The following SLC4A3 variants were observed in gnomAD, a reference collection of about 807,000 sequenced individuals.
SLC4A3 encodes anion exchange protein 3.
Under a neutral mutation model 114.2 loss-of-function variants are expected in SLC4A3, and 47 were observed. That is an observed-to-expected ratio of 0.41 (90% CI 0.33 to 0.52). The LOEUF is 0.52. SLC4A3 is among the 20% of genes least tolerant of loss of function. The pLI, the probability that SLC4A3 is intolerant of heterozygous loss-of-function variation, is 0.21. For synonymous variants in SLC4A3, 693 were observed against 710.3 expected (o/e 0.98, Z 0.39); for missense variants, 1,312 against 1,668.3 (o/e 0.79, Z 3.72).
Position 219,633,364 on chromosome 2 carries a change from T to C in SLC4A3, c.1368T>C (p.Thr456=). 6.2e-7 allele frequency: 1 copy of C among 1,606,482 alleles called. No individual in the cohort carries two copies. Among genetic ancestry groups the C allele is most frequent in the South Asian group, 1.1e-5 (1 of 90,244 alleles). Residue 456 remains threonine, a synonymous_variant, in exon 10 of 23, where the codon ACT becomes ACC. Transcript: ENST00000358055. ...CGGTTCTGGGGAATCATCACCCAAC[T>C]CCCAGCCATGGCCCTGATGGGGCGG... is the stretch of plus-strand genomic sequence containing the variant. The part of the protein sequence containing the change: ...MNSVLGNHHP[T]PSHGPDGAVP...
Position 219,630,322 on chromosome 2 carries a change from C to G in SLC4A3, c.781C>G (p.Leu261Val), listed in dbSNP as rs1229293072. ...CACAGATGAGGCGGAGGCCCAGATG[C>G]TGGGTTCTGCAGACCTGGACGACAT... ...VPTDEAEAQM[L>V]GSADLDDMKS... Residue 261 changes from leucine to valine, a missense_variant, in exon 6 of 23, where the codon CTG (leucine) becomes GTG (valine). This residue lies in a region of SLC4A3 where 771 missense variants were observed against 977.7 expected (regional missense o/e 0.79). Coordinates refer to ENST00000358055, the MANE Select transcript of SLC4A3 (RefSeq NM_005070.4). This position sits in a 1 kb window ranked among gnomAD's most constrained non-coding sequence, Gnocchi z 6.9. The G allele has an allele frequency of 6.2e-7, 1 of 1,610,260 alleles. No individual in the cohort carries two copies. Among genetic ancestry groups the G allele is most frequent in the African/African-American group, 1.3e-5 (1 of 74,852 alleles).
chr2:219,631,038 TGGGGGA>T lies in SLC4A3; in HGVS notation c.811+690_811+695del. 1 of 526,922 alleles carries T rather than the reference TGGGGGA, an allele frequency of 1.9e-6. No individual in the cohort carries two copies. Among genetic ancestry groups the T allele is most frequent in the Non-Finnish European group, 2.2e-6 (1 of 453,738 alleles). 32.6% of individuals were successfully genotyped at this position (526,922 alleles called of 1,614,324 possible). On this transcript the variant is annotated intron_variant, in intron 6 of 22. Coordinates refer to ENST00000358055, the MANE Select transcript of SLC4A3 (RefSeq NM_005070.4). The surrounding 1 kb of genome is among the most constrained non-coding windows in gnomAD (Gnocchi z 6.3). ...GCAGCAGTAGCAGCAGGATGGGGGG[TGGGGGA>T]GGGCGTGTTTACAGACCCAGGGTGG...
rs1574656353 is a variant in SLC4A3, at chr2:219,637,835, C to G, written c.2766+24C>G. On this transcript the variant is annotated intron_variant, in intron 17 of 22. Coordinates refer to ENST00000358055, the MANE Select transcript of SLC4A3 (RefSeq NM_005070.4). This position sits in a 1 kb window ranked among gnomAD's most constrained non-coding sequence, Gnocchi z 4.6. ...AGGTGCGTGGCTGCTGGGTGTGGAGCCCCCAAGAGTCCCACAATTCCTGCT... is the reference window on the plus strand; with the variant it reads ...AGGTGCGTGGCTGCTGGGTGTGGAGGCCCCAAGAGTCCCACAATTCCTGCT... 1.3e-6 allele frequency: 2 copies of G among 1,551,708 alleles called. No individual in the cohort carries two copies.
rs962950796 is a variant in SLC4A3, at chr2:219,639,938, CT to C, written c.3277+212del. Among the ~76,000 whole-genome samples the C allele has an allele frequency of 1.3e-5, 2 of 151,124 alleles. No individual in the cohort carries two copies. The highest frequency in any genetic ancestry group is 4.9e-5 in the African/African-American group (2 of 40,962). ...CTCTGTCCTGCCCCCTCTTCTCTCT[CT>C]TTTTTTTTGAGACGGAGTCTCGCTC... On this transcript the variant is annotated intron_variant, in intron 20 of 22. Transcript: ENST00000358055. This position sits in a 1 kb window ranked among gnomAD's most constrained non-coding sequence, Gnocchi z 5.9.
Position 219,633,395 on chromosome 2 carries a change from A to T in SLC4A3, c.1399A>T (p.Thr467Ser). Residue 467 changes from threonine (T) to serine (S), a missense_variant, in exon 10 of 23, where the codon ACC becomes TCC. Around this residue, in one of 4 missense-constraint regions of SLC4A3, gnomAD observed 771 missense variants for 977.7 expected, o/e 0.79. Coordinates refer to ENST00000358055, the MANE Select transcript of SLC4A3 (RefSeq NM_005070.4). ...PSHGPDGAVP[T>S]MADDLGEPAP... ...CCATGGCCCTGATGGGGCGGTGCCTACCATGGCTGATGACCTGGGGGAGCC... is the reference window on the plus strand; with the variant it reads ...CCATGGCCCTGATGGGGCGGTGCCTTCCATGGCTGATGACCTGGGGGAGCC... The T allele has an allele frequency of 6.3e-7, 1 of 1,588,830 alleles. No individual in the cohort carries two copies. Among genetic ancestry groups the T allele is most frequent in the South Asian group, 1.1e-5 (1 of 87,928 alleles).
At position 219,641,864 on chromosome 2, in the gene SLC4A3, T is replaced by C; in HGVS notation, c.*136T>C. 1 of 678,256 alleles carries C rather than the reference T, an allele frequency of 1.5e-6. No homozygotes were observed. 42.0% of individuals were successfully genotyped at this position (678,256 alleles called of 1,614,324 possible). ...CTGGAACCACTCCTGATGCCATGGC[T>C]AGAGTGGCCCCCCTGACTTCTGCCC... On this transcript the variant is annotated 3_prime_UTR_variant, in exon 23 of 23. Transcript: ENST00000358055. This position sits in a 1 kb window ranked among gnomAD's most constrained non-coding sequence, Gnocchi z 4.0.
chr2:219,629,946 GAC>G, intron 5 of SLC4A3: 1 of 961,446 alleles, frequency 1.0e-6, no homozygotes, highest in East Asian at 2.6e-5. Context: ...AGGAGAGAGT[GAC>G]AGAGTAGAGA....
chr2:219,641,456 G>T lies in SLC4A3; in HGVS notation c.3622-195G>T, dbSNP rs1699323633. On this transcript the variant is annotated intron_variant, in intron 22 of 22. Transcript: ENST00000358055. This position sits in a 1 kb window ranked among gnomAD's most constrained non-coding sequence, Gnocchi z 4.0. ...AATCATTATTATTATCACCAGGAGG[G>T]GCCAGGTATCTGGTCTGGGAGGTGA... Among the ~76,000 whole-genome samples the T allele has an allele frequency of 6.6e-6, 1 of 152,108 alleles. No individual in the cohort carries two copies. Among genetic ancestry groups the T allele is most frequent in the East Asian group, 1.9e-4 (1 of 5,196 alleles).
Position 219,638,604 on chromosome 2 carries a change from C to T in SLC4A3, c.2857-99C>T, listed in dbSNP as rs1699211126. 3 of 1,256,560 alleles carry T rather than the reference C, an allele frequency of 2.4e-6. No individual in the cohort carries two copies. The highest frequency in any genetic ancestry group is 3.4e-6 in the Non-Finnish European group (3 of 890,694). The allele number at this position is 1,256,560 out of a possible 1,614,324, so 77.8% of individuals were successfully genotyped here. On this transcript the variant is annotated intron_variant, in intron 18 of 22. Coordinates refer to ENST00000358055, the MANE Select transcript of SLC4A3 (RefSeq NM_005070.4). The surrounding 1 kb of genome is among the most constrained non-coding windows in gnomAD (Gnocchi z 7.5). ...CCCTGACCTGTTCACACCCCAGCTC[C>T]CTGAAGTCCTGGACTGGGGACGCAG... is the stretch of plus-strand genomic sequence containing the variant.
rs1698778666 is a variant in SLC4A3 at position 219,628,048 on chromosome 2, T to C, written c.51+5T>C. On this transcript the variant is annotated splice_donor_5th_base_variant and intron_variant, in intron 2 of 22. Transcript: ENST00000358055. The surrounding 1 kb of genome is among the most constrained non-coding windows in gnomAD (Gnocchi z 4.8). ...GGCGCCTCCCCCCTACCCCAGGTGATCGGCGCGCGCGGGGGCGGGGGAGAG... is the reference window on the plus strand; with the variant it reads ...GGCGCCTCCCCCCTACCCCAGGTGACCGGCGCGCGCGGGGGCGGGGGAGAG... 3 of 1,557,890 alleles carry C rather than the reference T, an allele frequency of 1.9e-6. No individual in the cohort carries two copies. The highest frequency in any genetic ancestry group is 1.4e-5 in the African/African-American group (1 of 71,880).
Position 219,638,671 on chromosome 2 carries a change from G to A in SLC4A3, c.2857-32G>A. On this transcript the variant is annotated intron_variant, in intron 18 of 22. Transcript: ENST00000358055. This position sits in a 1 kb window ranked among gnomAD's most constrained non-coding sequence, Gnocchi z 7.5. ...GTGGGCTTTCTAGCATGGGGAGGCTGTGTCCCTGAACCCTGTTTTCCTGCC... is the reference window on the plus strand; with the variant it reads ...GTGGGCTTTCTAGCATGGGGAGGCTATGTCCCTGAACCCTGTTTTCCTGCC... 1 of 1,606,946 alleles carries A rather than the reference G, an allele frequency of 6.2e-7. No homozygotes were observed. The highest frequency in any genetic ancestry group is 1.1e-5 in the South Asian group (1 of 90,548).
In SLC4A3 at chr2:219,629,628, G is replaced by C; in HGVS notation, c.544G>C (p.Ala182Pro). The C allele has an allele frequency of 6.2e-7, 1 of 1,613,252 alleles. No homozygotes were observed. The highest frequency in any genetic ancestry group is 8.5e-7 in the Non-Finnish European group (1 of 1,179,780). ...EDDSPGLPGR[A>P]AVTKPLPSVG... ...TGACAGTCCAGGCCTCCCTGGGAGG[G>C]CTGCTGTCACCAAGCCCCTGCCCTC... The change falls in exon 5 of 23, where the codon GCT (alanine) becomes CCT (proline). Residue 182 changes from alanine to proline, a missense_variant. Coordinates refer to ENST00000358055, the MANE Select transcript of SLC4A3 (RefSeq NM_005070.4).
In SLC4A3 at chr2:219,641,808, C is replaced by T; in HGVS notation, c.*80C>T. 1 of 1,195,406 alleles carries T rather than the reference C, an allele frequency of 8.4e-7. No homozygotes were observed. The highest frequency in any genetic ancestry group is 1.2e-6 in the Non-Finnish European group (1 of 807,860). 74.0% of individuals were successfully genotyped at this position (1,195,406 alleles called of 1,614,324 possible). ...GCCTCAGGCAGAGCCCAGCCCTGGG[C>T]TGGGGGGCTCCTCAGGACCCAGAGA... On this transcript the variant is annotated 3_prime_UTR_variant, in exon 23 of 23. Transcript: ENST00000358055. This position sits in a 1 kb window ranked among gnomAD's most constrained non-coding sequence, Gnocchi z 4.0.
chr2:219,628,330 T>C lies in SLC4A3; in HGVS notation c.52-75T>C. 1 of 1,445,202 alleles carries C rather than the reference T, an allele frequency of 6.9e-7. No homozygotes were observed. Among genetic ancestry groups the C allele is most frequent in the Non-Finnish European group, 9.2e-7 (1 of 1,082,114 alleles). The allele number at this position is 1,445,202 out of a possible 1,614,324, so 89.5% of individuals were successfully genotyped here. A position where few individuals can be genotyped will look rare whatever the true frequency, so the allele number is the denominator to read the frequency against. Reference sequence around the variant, plus strand: ...TGAGAGCCTGCTGAGCTCCCCCAACTAGGGCTTGGAGTTGGGGTGGGTGTG... The same window carrying C: ...TGAGAGCCTGCTGAGCTCCCCCAACCAGGGCTTGGAGTTGGGGTGGGTGTG... On this transcript the variant is annotated intron_variant, in intron 2 of 22. Coordinates refer to ENST00000358055, the MANE Select transcript of SLC4A3 (RefSeq NM_005070.4). The surrounding 1 kb of genome is among the most constrained non-coding windows in gnomAD (Gnocchi z 4.8).
Position 219,640,909 on chromosome 2 carries a change from C to G in SLC4A3, c.3568C>G (p.Pro1190Ala). The change falls in exon 22 of 23, where the codon CCT (proline) becomes GCT (alanine). Residue 1190 changes from proline (P) to alanine (A), a missense_variant. Pro to Ala is a conservative substitution (Grantham distance 27). Around this residue, in one of 4 missense-constraint regions of SLC4A3, gnomAD observed 301 missense variants for 460.7 expected, o/e 0.65. Transcript: ENST00000358055. The part of the protein sequence containing the change: ...AFPFLLLLTV[P>A]LRHCLLPRLF... ...TCCCTTCCTGCTGCTGCTCACGGTG[C>G]CTCTGAGGCATTGCCTTCTGCCCCG... 1 of 1,610,664 alleles carries G rather than the reference C, an allele frequency of 6.2e-7. No homozygotes were observed. Among genetic ancestry groups the G allele is most frequent in the Non-Finnish European group, 8.5e-7 (1 of 1,180,018 alleles).
Position 219,636,881 on chromosome 2 carries a change from G to C in SLC4A3, c.2535+7G>C, listed in dbSNP as rs1411086143. ...CTTCTACAAGCTCTACAAGGTGGAGGTCCAGCGAGGTCTTGGGGGTGGCAG... is the reference window on the plus strand; with the variant it reads ...CTTCTACAAGCTCTACAAGGTGGAGCTCCAGCGAGGTCTTGGGGGTGGCAG... On this transcript the variant is annotated splice_region_variant and intron_variant, in intron 16 of 22. Transcript: ENST00000358055. The surrounding 1 kb of genome is among the most constrained non-coding windows in gnomAD (Gnocchi z 5.5). The C allele has an allele frequency of 1.2e-6, 2 of 1,609,970 alleles. No individual in the cohort carries two copies. Among genetic ancestry groups the C allele is most frequent in the Non-Finnish European group, 1.7e-6 (2 of 1,176,886 alleles).
Position 219,640,976 on chromosome 2 carries a change from G to A in SLC4A3, c.3621+14G>A, listed in dbSNP as rs1411204151. ...GAGCTGCAGGCGGTAAGGGGGTGGTGGTCTGGGGAAACAGTGTTAGGGCAA... is the reference window on the plus strand; with the variant it reads ...GAGCTGCAGGCGGTAAGGGGGTGGTAGTCTGGGGAAACAGTGTTAGGGCAA... On this transcript the variant is annotated intron_variant, in intron 22 of 22. Coordinates refer to ENST00000358055, the MANE Select transcript of SLC4A3 (RefSeq NM_005070.4). The A allele has an allele frequency of 1.2e-6, 2 of 1,601,550 alleles. No individual in the cohort carries two copies. Among genetic ancestry groups the A allele is most frequent in the East Asian group, 2.2e-5 (1 of 44,874 alleles).
At chr2:219,633,600 G>A (rs147246036) in intron 10 of SLC4A3, 143 bp downstream of exon 10, 9,027 of 828,762 alleles carry the variant, frequency 0.011, 58 homozygotes, top group African/African-American at 0.014. Context: ...GAGGAGACCC[G>A]CATGAGGGGT....
At position 219,637,617 on chromosome 2, in the gene SLC4A3, C is replaced by G. The variant is rs750049751; in HGVS notation, c.2572C>G (p.Pro858Ala). 31 of 1,611,250 alleles carry G rather than the reference C, an allele frequency of 1.9e-5. No homozygotes were observed. The highest frequency in any genetic ancestry group is 2.6e-5 in the Non-Finnish European group (31 of 1,178,066). The change falls in exon 17 of 23, where the codon CCT (proline) becomes GCT (alanine). Residue 858 changes from proline to alanine, a missense_variant. Transcript: ENST00000358055. This position sits in a 1 kb window ranked among gnomAD's most constrained non-coding sequence, Gnocchi z 4.6. ...GCACCCACTGCTGCCGTTCTACCCC[C>G]CTGAGGGGGCCCTGGAGGGGTCCCT... Reference protein sequence around the residue: ...TEHPLLPFYPPEGALEGSLDA... With the variant: ...TEHPLLPFYPAEGALEGSLDA...
Sources: gnomAD v4.1 joint callset for allele counts (sites outside exome capture counted in the v4.1 genomes callset) on GRCh38, gnomAD v4.1.1 for gene constraint, gnomAD v4.1.1 regional missense constraint, Gnocchi (gnomAD v3.1) non-coding constraint, MANE v1.5 for transcripts, NCBI Gene and HGNC (gene_info 2026-07-23, HGNC 2026-07-21) for gene names.